MON2: variants seen among roughly 807,000 people sequenced by gnomAD.
MON2 encodes the protein protein MON2 homolog.
In MON2, 84 loss-of-function variants were observed where a neutral mutation model predicts 208.6. That is an observed-to-expected ratio of 0.40 (90% confidence interval 0.34 to 0.48). MON2 has a LOEUF of 0.48. Among genes scored for constraint, MON2 ranks in the 20% least tolerant of loss-of-function variants. The pLI is 0.59. For synonymous variants in MON2, 660 were observed against 694.0 expected (o/e 0.95, Z 0.77); for missense variants, 1,611 against 2,015.4 (o/e 0.80, Z 3.84).
At chr12:62,586,936 A>G (rs1437492390) in intron 33 of MON2, among the ~76,000 whole-genome samples, 1 of 152,204 alleles carries the variant, frequency 6.6e-6, no homozygotes, top group Non-Finnish European at 1.5e-5. Flanking sequence ...TTGTTGCAGT[A>G]TCATTTAATT....
chr12:62,486,568 A>G (rs1032787032), intron 2 of MON2, among the ~76,000 whole-genome samples: 11 of 152,164 alleles, frequency 7.2e-5, no homozygotes, highest in African/African-American at 2.7e-4. Flanking sequence ...TAAAGCAATT[A>G]TACCTAAAAG....
At chr12:62,496,210 A>T (rs996912937) in intron 4 of MON2, among the ~76,000 whole-genome samples, 1 of 151,942 alleles carries the variant, frequency 6.6e-6, no homozygotes, top group African/African-American at 2.4e-5. Flanking sequence ...TATTATATAT[A>T]TTTTTGTATA....
chr12:62,543,684 T>C (rs1172757028), intron 20 of MON2, among the ~76,000 whole-genome samples: 2 of 152,108 alleles, frequency 1.3e-5, no homozygotes, highest in Non-Finnish European at 1.5e-5. Flanking sequence ...CTCGCCTCAC[T>C]GCAACCGCCG....
chr12:62,555,018 G>A (rs1325188519), intron 24 of MON2, among the ~76,000 whole-genome samples: 4 of 151,904 alleles, frequency 2.6e-5, no homozygotes, highest in African/African-American at 7.2e-5. Context: ...GGATGGTCTC[G>A]ATCTCCTGAC....
In MON2 at chr12:62,495,811, T is replaced by C. The variant is rs550216592; in HGVS notation, c.435+664T>C. 3.4e-4 allele frequency among the ~76,000 whole-genome samples: 51 copies of C among 152,236 alleles called. No homozygotes were observed. In the South Asian group the frequency reaches 0.01, roughly 30 times the overall value. ...TGTAAACCAGACAGTTCAAATATGT[T>C]TCTTAAATGGCTAGACAAATCTTCT... On this transcript the variant is annotated intron_variant, in intron 4 of 34. Transcript: ENST00000393630.
chr12:62,509,914 T>C (rs2136117842), intron 8 of MON2, among the ~76,000 whole-genome samples: 1 of 151,636 alleles, frequency 6.6e-6, no homozygotes, highest in East Asian at 1.9e-4. Context: ...AACAAACCGT[T>C]ATCCAGACTA....
At chr12:62,520,884 A>AT (rs941985889) in intron 8 of MON2, among the ~76,000 whole-genome samples, 1 of 142,248 alleles carries the variant, frequency 7.0e-6, no homozygotes, top group Non-Finnish European at 1.5e-5. Context: ...TAAAGATATT[A>AT]TTTTTTTTGA....
chr12:62,523,517 T>A (rs1244832840), intron 8 of MON2, among the ~76,000 whole-genome samples: 1 of 152,128 alleles, frequency 6.6e-6, no homozygotes, highest in Non-Finnish European at 1.5e-5. Context: ...ATAATGTTGT[T>A]TTTAGTTATT....
At chr12:62,475,205 G>C (rs2135961365) in intron 1 of MON2, among the ~76,000 whole-genome samples, 1 of 152,126 alleles carries the variant, frequency 6.6e-6, no homozygotes, top group South Asian at 2.1e-4. Flanking sequence ...TACTGCTTCT[G>C]TCTTTCATGT....
chr12:62,482,180 G>A (rs1202158630), intron 1 of MON2, among the ~76,000 whole-genome samples: 1 of 152,200 alleles, frequency 6.6e-6, no homozygotes. Context: ...GTAAGCATAG[G>A]CTGCCAGCAG....
chr12:62,526,164 AAT>A, intron 11 of MON2, 62 bp downstream of exon 11: 1 of 1,483,560 alleles, frequency 6.7e-7, no homozygotes, highest in Non-Finnish European at 9.3e-7. Context: ...TTTAACCTAA[AAT>A]TCTTCTCTAT....
chr12:62,567,857 A>G (rs1289729950), intron 29 of MON2, among the ~76,000 whole-genome samples: 1 of 152,220 alleles, frequency 6.6e-6, no homozygotes, highest in Non-Finnish European at 1.5e-5. Context: ...CTGACTTCGA[A>G]TAGTCCACTG....
chr12:62,525,259 C>G (rs777118769), intron 10 of MON2, 39 bp downstream of exon 10: 20 of 1,603,454 alleles, frequency 1.2e-5, no homozygotes, highest in Non-Finnish European at 1.7e-5. Flanking sequence ...TATATTCTGC[C>G]GTAAGTTACA....
chr12:62,473,305 A>T (rs1230532722), intron 1 of MON2, among the ~76,000 whole-genome samples: 1 of 107,222 alleles, frequency 9.3e-6, no homozygotes, highest in Admixed American at 1.0e-4. Flanking sequence ...TGCATAAGGT[A>T]GTAAAGCTGG....
chr12:62,589,781 T>C (rs1592488201), intron 34 of MON2, among the ~76,000 whole-genome samples: 1 of 141,352 alleles, frequency 7.1e-6, no homozygotes, highest in Non-Finnish European at 1.5e-5. Context: ...AGAATGTGTA[T>C]AAAGGGAGAA....
intron 22 of MON2, 28 bp from the exon 23 acceptor site, chr12:62,549,640 C>A: frequency 6.5e-7 from 1 of 1,544,552 alleles, no homozygotes; most frequent in Non-Finnish European, 8.7e-7. Flanking sequence ...AAAATAAGTG[C>A]ATCTGTATAC....
intron 26 of MON2, among the ~76,000 whole-genome samples, chr12:62,563,430 A>G (rs1162118031): frequency 6.6e-6 from 1 of 152,166 alleles, no homozygotes; most frequent in African/African-American, 2.4e-5. Flanking sequence ...CTTAAACAAT[A>G]TAAGAAATCA....
intron 7 of MON2, among the ~76,000 whole-genome samples, chr12:62,507,941 T>A (rs1049052781): frequency 2.6e-5 from 4 of 152,150 alleles, no homozygotes; most frequent in African/African-American, 4.8e-5. Flanking sequence ...GCTAATTTTT[T>A]AATTTTTTTT....
chr12:62,568,717 T>G (rs1239694904), intron 29 of MON2, among the ~76,000 whole-genome samples: 1 of 152,060 alleles, frequency 6.6e-6, no homozygotes, highest in Non-Finnish European at 1.5e-5. Flanking sequence ...TGGAGTGCAG[T>G]GGCTCAGTCA....
Sources: gnomAD v4.1 joint callset for allele counts (sites outside exome capture counted in the v4.1 genomes callset) on GRCh38, gnomAD v4.1.1 for gene constraint, MANE v1.5 for transcripts, NCBI Gene and HGNC (gene_info 2026-07-23, HGNC 2026-07-21) for gene names.